Variants in NRXN1 observed in about 807,000 individuals in gnomAD.
The protein encoded by NRXN1 is neurexin 1.
Under a neutral mutation model 150.9 loss-of-function variants are expected in NRXN1, and 39 were observed. That is an observed-to-expected ratio of 0.26 (90% confidence interval 0.20 to 0.34). The LOEUF is 0.34. Among genes scored for constraint, NRXN1 ranks in the 10% least tolerant of loss-of-function variants. The probability of loss-of-function intolerance (pLI) is 1.00; values close to 1 mark genes in which losing one functional copy is unlikely to be tolerated. For missense variants in NRXN1, 1,815 were observed against 1,949.9 expected (o/e 0.93, Z 1.30); for synonymous variants, 924 against 757.0 (o/e 1.22, Z -3.62).
At chr2:50,019,285 G>C (rs1231659438) in intron 21 of NRXN1, 3 of 471,362 alleles carry the variant, frequency 6.4e-6, no homozygotes, top group African/African-American at 2.0e-5. Flanking sequence ...TTTGAAAGCT[G>C]TTTGAGGACA....
chr2:50,637,006 C>T (rs1020315081), intron 5 of NRXN1, among the ~76,000 whole-genome samples: 3 of 151,968 alleles, frequency 2.0e-5, no homozygotes, highest in Admixed American at 6.6e-5. Flanking sequence ...CTAGTGTTTC[C>T]CTATGGGCTC....
intron 13 of NRXN1, among the ~76,000 whole-genome samples, chr2:50,504,818 C>T (rs2092137703): frequency 6.6e-6 from 1 of 152,184 alleles, no homozygotes; most frequent in Non-Finnish European, 1.5e-5. Flanking sequence ...GCCATTCTAG[C>T]ACCATGCACT....
rs556981405 is a variant in NRXN1 at position 50,772,165 on chromosome 2, C to T, written c.833-148550G>A. 5.3e-5 allele frequency among the ~76,000 whole-genome samples: 8 copies of T among 151,894 alleles called. No individual in the cohort carries two copies. The East Asian group carries it at 7.8e-4, about 15-fold the overall frequency. ...ATCAATCAGAACTCTATGAGGTCTC[C>T]GATGTGCTTGCCTAACACATAAAAA... On this transcript the variant is annotated intron_variant, in intron 5 of 22. Coordinates refer to ENST00000401669, the MANE Select transcript of NRXN1 (RefSeq NM_001330078.2).
intron 18 of NRXN1, among the ~76,000 whole-genome samples, chr2:50,230,998 C>A (rs1432146021): frequency 6.6e-6 from 1 of 151,910 alleles, no homozygotes; most frequent in Non-Finnish European, 1.5e-5. Flanking sequence ...GTAAAATAGG[C>A]CACATGTTCT....
At chr2:50,436,957 G>T (rs1390594187) in intron 17 of NRXN1, among the ~76,000 whole-genome samples, 1 of 151,848 alleles carries the variant, frequency 6.6e-6, no homozygotes. Flanking sequence ...ACCTTCTACA[G>T]TATCCAAACT....
chr2:50,320,748 G>A (rs906724180), intron 17 of NRXN1, among the ~76,000 whole-genome samples: 2 of 152,146 alleles, frequency 1.3e-5, no homozygotes, highest in African/African-American at 2.4e-5. Context: ...CGTGAGGTAT[G>A]GAGGGGGCTG....
intron 5 of NRXN1, among the ~76,000 whole-genome samples, chr2:50,708,085 G>C (rs1446661747): frequency 6.6e-6 from 1 of 152,072 alleles, no homozygotes; most frequent in Non-Finnish European, 1.5e-5. Context: ...TAGTGTTTTA[G>C]GACTAACCTA....
rs560577852 is a variant in NRXN1 at position 50,960,743 on chromosome 2, T to C, written c.773-34788A>G. On this transcript the variant is annotated intron_variant, in intron 2 of 22. Coordinates refer to ENST00000401669, the MANE Select transcript of NRXN1 (RefSeq NM_001330078.2). ...TGCCTCTGGGCCTATATCAGGGGAC[T>C]GCAAGGGCTCTTCTACCCTGTATGT... Among the ~76,000 whole-genome samples the C allele has an allele frequency of 2.0e-4, 30 of 152,054 alleles. 1 individual carries two copies. In the South Asian group the frequency reaches 5.8e-3, roughly 29 times the overall value.
At chr2:51,006,408 G>A (rs989769379) in intron 2 of NRXN1, among the ~76,000 whole-genome samples, 8 of 151,514 alleles carry the variant, frequency 5.3e-5, no homozygotes, top group Non-Finnish European at 1.2e-4. Flanking sequence ...GGTGGGGGAA[G>A]GGGGGAGGGA....
chr2:50,892,750 A>T (rs1172033688), intron 5 of NRXN1, among the ~76,000 whole-genome samples: 1 of 152,184 alleles, frequency 6.6e-6, no homozygotes, highest in Non-Finnish European at 1.5e-5. Context: ...ACATATATTT[A>T]TTCATAACAT....
chr2:50,082,847 T>C (rs1698161093), intron 19 of NRXN1, among the ~76,000 whole-genome samples: 1 of 133,660 alleles, frequency 7.5e-6, no homozygotes, highest in Non-Finnish European at 1.6e-5. Context: ...AAGAAGAGGT[T>C]TGACTTACAT....
intron 17 of NRXN1, among the ~76,000 whole-genome samples, chr2:50,242,931 G>A (rs569835263): frequency 6.6e-6 from 1 of 151,682 alleles, no homozygotes; most frequent in African/African-American, 2.4e-5. Context: ...TTTAGGCACA[G>A]GTCCCATATT....
chr2:50,834,552 T>C (rs1671842565), intron 5 of NRXN1, among the ~76,000 whole-genome samples: 1 of 152,144 alleles, frequency 6.6e-6, no homozygotes, highest in South Asian at 2.1e-4. Flanking sequence ...ATCATAATGA[T>C]TTTGAATTGA....
At chr2:50,453,671 C>T (rs2087227467) in intron 17 of NRXN1, among the ~76,000 whole-genome samples, 2 of 152,142 alleles carry the variant, frequency 1.3e-5, no homozygotes, top group Non-Finnish European at 2.9e-5. Flanking sequence ...TCACCAAGAA[C>T]ATTTTCAATT....
chr2:50,828,267 G>T (rs1452869501), intron 5 of NRXN1, among the ~76,000 whole-genome samples: 1 of 144,904 alleles, frequency 6.9e-6, no homozygotes, highest in Non-Finnish European at 1.5e-5. Flanking sequence ...TGGCCGGGCG[G>T]GGGGCTGACC....
chr2:50,538,370 T>G lies in NRXN1; in HGVS notation c.2026A>C (p.Thr676Pro), dbSNP rs762882927. ...GGGTTGCTAAGGCACGGTTTTGCTG[T>G]TTCCTTTGAGCAGGAAGGCTTCACT... is the stretch of plus-strand genomic sequence containing the variant. ...AGVKPSCSKETAKPCLSNPCK... is the reference protein window; with the variant it reads ...AGVKPSCSKEPAKPCLSNPCK... Residue 676 changes from threonine to proline, a missense_variant, in exon 10 of 23, where the codon ACA (threonine) becomes CCA (proline). By Grantham distance (38) the Thr-to-Pro change is conservative (BLOSUM62 -1). Coordinates refer to ENST00000401669, the MANE Select transcript of NRXN1 (RefSeq NM_001330078.2). 3 of 1,614,012 alleles carry G rather than the reference T, an allele frequency of 1.9e-6. No homozygotes were observed. The highest frequency in any genetic ancestry group is 2.5e-6 in the Non-Finnish European group (3 of 1,179,882).
At chr2:50,005,577 T>C (rs1684627608) in intron 21 of NRXN1, among the ~76,000 whole-genome samples, 1 of 152,136 alleles carries the variant, frequency 6.6e-6, no homozygotes, top group Admixed American at 6.6e-5. Context: ...TTCCAGAACC[T>C]AGAGCAAATA....
At chr2:49,993,399 G>A (rs886614340) in intron 21 of NRXN1, among the ~76,000 whole-genome samples, 1 of 152,094 alleles carries the variant, frequency 6.6e-6, no homozygotes, top group Non-Finnish European at 1.5e-5. Flanking sequence ...GGTTGCTAGG[G>A]GTTTTATGGA....
chr2:50,354,979 G>C (rs531602146), intron 17 of NRXN1, among the ~76,000 whole-genome samples: 2 of 152,056 alleles, frequency 1.3e-5, no homozygotes, highest in Admixed American at 1.3e-4. Context: ...GTAATATTAA[G>C]ACTAAAGCAT....
Sources: gnomAD v4.1 joint callset for allele counts (sites outside exome capture counted in the v4.1 genomes callset) on GRCh38, gnomAD v4.1.1 for gene constraint, MANE v1.5 for transcripts, NCBI Gene and HGNC (gene_info 2026-07-23, HGNC 2026-07-21) for gene names.